Variants in DCAF6 observed in about 807,000 individuals in gnomAD.
DCAF6 encodes the protein DDB1- and CUL4-associated factor 6.
Under a neutral mutation model 125.1 loss-of-function variants are expected in DCAF6, and 54 were observed. The ratio of observed to expected loss-of-function variants is 0.43; its 90% CI spans 0.35 to 0.54. The LOEUF (loss-of-function observed/expected upper bound fraction) is 0.54, where lower values mean the gene tolerates loss of function less well. Among genes scored for constraint, DCAF6 ranks in the 20% least tolerant of loss-of-function variants. The pLI is 0.01. For synonymous variants in DCAF6, 371 were observed against 390.4 expected (o/e 0.95, Z 0.58); for missense variants, 934 against 1,161.7 (o/e 0.80, Z 2.85).
the DCAF6 span, chr1:167,919,991 A>T: frequency 6.2e-7 from 1 of 1,611,640 alleles, no homozygotes; most frequent in South Asian, 1.1e-5. Context: ...CCAAATACGA[A>T]AAAGCTGAGA....
chr1:168,001,088 G>T (rs1682544264), intron 7 of DCAF6, among the ~76,000 whole-genome samples: 2 of 152,054 alleles, frequency 1.3e-5, no homozygotes, highest in Non-Finnish European at 2.9e-5. Context: ...ATTGCTTGAG[G>T]CCAGGAGTTC....
At chr1:167,920,083 A>G in the DCAF6 span, 1 of 1,603,036 alleles carries the variant, frequency 6.2e-7, no homozygotes, top group Non-Finnish European at 8.5e-7. Context: ...ATCTTGACCA[A>G]ATAAACCCTG....
chr1:168,046,992 T>A (rs1260621030), intron 16 of DCAF6, among the ~76,000 whole-genome samples: 1 of 152,142 alleles, frequency 6.6e-6, no homozygotes, highest in East Asian at 1.9e-4. Flanking sequence ...TAGCAGCTTC[T>A]ATGCAGGCTA....
chr1:168,066,566 G>C (rs572583473), intron 20 of DCAF6, 101 bp downstream of exon 20: 13 of 759,682 alleles, frequency 1.7e-5, no homozygotes, highest in Non-Finnish European at 2.8e-5. Context: ...CATGAAACAA[G>C]TTAATGCAGT....
chr1:167,973,814 G>A (rs1677719397), intron 3 of DCAF6, among the ~76,000 whole-genome samples: 1 of 152,000 alleles, frequency 6.6e-6, no homozygotes, highest in Admixed American at 6.6e-5. Context: ...CCAGTCTCCT[G>A]TGTTTTACTG....
At chr1:168,065,336 G>A (rs1206077344) in intron 18 of DCAF6, among the ~76,000 whole-genome samples, 2 of 151,776 alleles carry the variant, frequency 1.3e-5, no homozygotes, top group Admixed American at 6.6e-5. Context: ...TTTATAGATA[G>A]GGGATCTCAC....
chr1:168,073,132 C>T (rs561341302), intron 21 of DCAF6, among the ~76,000 whole-genome samples: 5 of 151,926 alleles, frequency 3.3e-5, no homozygotes, highest in Admixed American at 6.5e-5. Flanking sequence ...GCCAAGATCG[C>T]GCCACTGCAC....
the DCAF6 span, among the ~76,000 whole-genome samples, chr1:167,874,775 A>G: frequency 6.6e-6 from 1 of 152,238 alleles, no homozygotes; most frequent in Non-Finnish European, 1.5e-5. Flanking sequence ...GGAATACTAC[A>G]TAGTAATGAC....
At chr1:167,954,393 C>T (rs1369307960) in intron 2 of DCAF6, among the ~76,000 whole-genome samples, 1 of 152,110 alleles carries the variant, frequency 6.6e-6, no homozygotes, top group East Asian at 1.9e-4. Flanking sequence ...TATATAATAA[C>T]TTTAATTACT....
chr1:167,864,585 A>T, the DCAF6 span, among the ~76,000 whole-genome samples: 1 of 152,026 alleles, frequency 6.6e-6, no homozygotes, highest in Non-Finnish European at 1.5e-5. Flanking sequence ...AGGAAAGTCA[A>T]AGAGAGAGAG....
At chr1:167,979,755 C>T (rs1388704961) in intron 4 of DCAF6, among the ~76,000 whole-genome samples, 1 of 152,126 alleles carries the variant, frequency 6.6e-6, no homozygotes. Flanking sequence ...GGCGTGGTGG[C>T]AGGTGCCTGT....
At chr1:167,976,025 T>C (rs1460642298) in intron 4 of DCAF6, among the ~76,000 whole-genome samples, 1 of 152,216 alleles carries the variant, frequency 6.6e-6, no homozygotes, top group Non-Finnish European at 1.5e-5. Context: ...TGTTTTCTTA[T>C]CCAGTCTCAC....
intron 17 of DCAF6, among the ~76,000 whole-genome samples, chr1:168,055,126 G>T (rs960306327): frequency 2.6e-5 from 4 of 151,940 alleles, no homozygotes; most frequent in South Asian, 2.1e-4. Context: ...TCTTATTTAT[G>T]CCTGGGGAAT....
chr1:167,965,164 T>C (rs569728891), intron 2 of DCAF6, among the ~76,000 whole-genome samples: 1 of 152,334 alleles, frequency 6.6e-6, no homozygotes, highest in East Asian at 1.9e-4. Flanking sequence ...AGGAATTTAC[T>C]GGTAAAGTGT....
intron 10 of DCAF6, among the ~76,000 whole-genome samples, chr1:168,009,403 CTCTCTCTCTCTTTTG>C (rs1557971427): frequency 7.5e-6 from 1 of 132,868 alleles, no homozygotes; most frequent in African/African-American, 3.6e-5. Flanking sequence ...TTCTTTCTTT[CTCTCTCTCTCTTTTG>C]TTTCTTTCTG....
intron 12 of DCAF6, among the ~76,000 whole-genome samples, chr1:168,030,759 C>T (rs925933339): frequency 2.0e-5 from 3 of 152,134 alleles, no homozygotes; most frequent in Admixed American, 2.0e-4. Flanking sequence ...GAGGCCAGGA[C>T]TTGTGTCTTA....
At chr1:168,045,609 A>T (rs899154038) in intron 16 of DCAF6, among the ~76,000 whole-genome samples, 1 of 151,834 alleles carries the variant, frequency 6.6e-6, no homozygotes, top group Non-Finnish European at 1.5e-5. Context: ...TTTAATGTTA[A>T]TTTTTTCTGC....
intron 16 of DCAF6, among the ~76,000 whole-genome samples, chr1:168,048,506 T>TA (rs1034516564): frequency 6.6e-6 from 1 of 152,156 alleles, no homozygotes; most frequent in East Asian, 1.9e-4. Flanking sequence ...TAATGATTTT[T>TA]AAAAAAATAT....
chr1:167,997,629 C>G (rs1218213397), intron 7 of DCAF6, among the ~76,000 whole-genome samples: 1 of 151,382 alleles, frequency 6.6e-6, no homozygotes, highest in South Asian at 2.1e-4. Context: ...TTATCAAAAC[C>G]TGTTTAATTT....
Sources: allele counts gnomAD v4.1 joint callset (sites outside exome capture counted in the v4.1 genomes callset), GRCh38; gene constraint gnomAD v4.1.1; transcripts MANE v1.5; gene names NCBI Gene and HGNC (gene_info 2026-07-23, HGNC 2026-07-21).